The following PRMT3 variants were observed in gnomAD, a reference collection of about 807,000 sequenced individuals.
The protein encoded by PRMT3 is protein arginine N-methyltransferase 3.
A neutral mutation model predicts 71.9 loss-of-function variants in PRMT3; 62 were observed. That is an observed-to-expected ratio of 0.86 (90% CI 0.70 to 1.07). The LOEUF (loss-of-function observed/expected upper bound fraction) is 1.07. Among genes scored for constraint, PRMT3 ranks in the 50% least tolerant of loss-of-function variants. The pLI, the probability that PRMT3 is intolerant of heterozygous loss-of-function variation, is 0.00. For synonymous variants in PRMT3, 213 were observed against 220.4 expected (o/e 0.97, Z 0.30); for missense variants, 663 against 643.0 (o/e 1.03, Z -0.34).
intron 13 of PRMT3, among the ~76,000 whole-genome samples, chr11:20,472,650 C>G (rs1391164667): frequency 1.6e-5 from 2 of 128,352 alleles, no homozygotes; most frequent in Non-Finnish European, 3.6e-5. Flanking sequence ...GTTTGTTCAT[C>G]AAGGATACTG....
chr11:20,479,070 C>T (rs1049114709), intron 13 of PRMT3, among the ~76,000 whole-genome samples: 2 of 152,112 alleles, frequency 1.3e-5, no homozygotes, highest in African/African-American at 4.8e-5. Flanking sequence ...TAATAGGCTT[C>T]ATTAAGTAAA....
chr11:20,464,539 T>G lies in PRMT3; in HGVS notation c.1340T>G (p.Met447Arg), dbSNP rs1204340641. 1.9e-6 allele frequency: 3 copies of G among 1,611,272 alleles called. No individual in the cohort carries two copies. In the African/African-American group the frequency reaches 4.0e-5, roughly 22 times the overall value. The change falls in exon 13 of 16, where the codon ATG becomes AGG. Residue 447 changes from methionine (M) to arginine (R), a missense_variant. Physicochemically the swap from Met to Arg is moderately conservative, Grantham distance 91 (BLOSUM62 -1). Transcript: ENST00000331079. The stretch of plus-strand genomic sequence containing the variant: ...ACCCTGAAAATCACAAGGACATCCA[T>G]GTGCACGGTAAGCTATTTCATTCTG... ...DFTLKITRTS[M>R]CTAIAGYFDI...
intron 9 of PRMT3, among the ~76,000 whole-genome samples, chr11:20,423,967 G>T (rs1461033294): frequency 6.7e-6 from 1 of 150,350 alleles, no homozygotes; most frequent in African/African-American, 2.5e-5. Flanking sequence ...GGTGGATCAC[G>T]AGGTTAGGAG....
chr11:20,429,382 G>A (rs1849609471), intron 10 of PRMT3, among the ~76,000 whole-genome samples: 1 of 152,182 alleles, frequency 6.6e-6, no homozygotes, highest in Non-Finnish European at 1.5e-5. Flanking sequence ...ACCTCTTGCT[G>A]TGTAGTCCAG....
intron 5 of PRMT3, among the ~76,000 whole-genome samples, 160 bp from the exon 6 acceptor site, chr11:20,395,641 CTG>C (rs1848808495): frequency 6.6e-6 from 1 of 152,172 alleles, no homozygotes; most frequent in Non-Finnish European, 1.5e-5. Context: ...GCAAGAGCCA[CTG>C]TGCAAAGCCA....
At chr11:20,390,747 A>G (rs1380783991) in intron 3 of PRMT3, among the ~76,000 whole-genome samples, 1 of 152,252 alleles carries the variant, frequency 6.6e-6, no homozygotes, top group Non-Finnish European at 1.5e-5. Flanking sequence ...TGGGAGGCCA[A>G]GGCAGGTGGA....
rs376995112 is a variant in PRMT3, at chr11:20,402,928, C to A, written c.715C>A (p.Arg239=). ...CCTCTCTCCACCCTAGGACAAAATA[C>A]GAACAGAAAGCTACCGAGATTTCAT... ...IHEEMLKDKI[R]TESYRDFIYQ... Residue 239 remains arginine, a synonymous_variant, in exon 8 of 16, where the codon CGA becomes AGA. Transcript: ENST00000331079. 8.1e-6 allele frequency: 13 copies of A among 1,607,978 alleles called. No individual in the cohort carries two copies. Among genetic ancestry groups the A allele is most frequent in the Admixed American group, 1.7e-5 (1 of 59,974 alleles).
At chr11:20,399,047 G>A (rs1182591111) in intron 7 of PRMT3, among the ~76,000 whole-genome samples, 1 of 152,156 alleles carries the variant, frequency 6.6e-6, no homozygotes, top group Non-Finnish European at 1.5e-5. Context: ...GTAATTTTTA[G>A]TTCAGTGAAA....
At chr11:20,446,435 T>C (rs1565215997) in intron 10 of PRMT3, among the ~76,000 whole-genome samples, 1 of 152,058 alleles carries the variant, frequency 6.6e-6, no homozygotes, top group Non-Finnish European at 1.5e-5. Context: ...CTGGCCAATA[T>C]CTTTTCAGAC....
chr11:20,405,931 AC>A (rs1180581375), intron 8 of PRMT3: 5 of 152,160 alleles, frequency 3.3e-5, no homozygotes, highest in Non-Finnish European at 5.9e-5. Context: ...ATCTTATAAA[AC>A]TGGAACTGTT....
At chr11:20,446,373 T>C (rs1221103323) in intron 10 of PRMT3, among the ~76,000 whole-genome samples, 28 of 151,950 alleles carry the variant, frequency 1.8e-4, no homozygotes, top group Admixed American at 1.8e-3. Context: ...TTTTTAACAA[T>C]TAGTATTCTT....
intron 9 of PRMT3, among the ~76,000 whole-genome samples, chr11:20,418,237 T>C (rs546268093): frequency 2.1e-4 from 32 of 152,272 alleles, no homozygotes; most frequent in African/African-American, 7.5e-4. Flanking sequence ...AGTTTTTCAG[T>C]AGGTGTTTCC....
chr11:20,440,489 C>CAAAAAAAAAAAAAAAAAAAAA (rs55801324), intron 10 of PRMT3, among the ~76,000 whole-genome samples: 2 of 115,958 alleles, frequency 1.7e-5, no homozygotes, highest in Admixed American at 9.7e-5. Flanking sequence ...ACTAAAAATA[C>CAAAAAAAAAAAAAAAAAAAAA]AAAAAAAAAA....
chr11:20,429,747 G>C (rs1333648989), intron 10 of PRMT3, among the ~76,000 whole-genome samples: 2 of 152,194 alleles, frequency 1.3e-5, no homozygotes, highest in African/African-American at 4.8e-5. Context: ...AAGTGCTCTA[G>C]GTGGGGCATT....
intron 10 of PRMT3, among the ~76,000 whole-genome samples, chr11:20,442,152 A>G (rs1849922302): frequency 6.6e-6 from 1 of 152,198 alleles, no homozygotes; most frequent in African/African-American, 2.4e-5. Flanking sequence ...AATGCAGCTT[A>G]AATTTTGTTT....
At chr11:20,415,062 G>A (rs1325868349) in intron 9 of PRMT3, among the ~76,000 whole-genome samples, 2 of 142,194 alleles carry the variant, frequency 1.4e-5, no homozygotes, top group Non-Finnish European at 3.0e-5. Context: ...GTGTATTTTG[G>A]AAAAATATTA....
intron 13 of PRMT3, among the ~76,000 whole-genome samples, chr11:20,469,540 C>G (rs6483690): frequency 0.81 from 123,629 of 152,180 alleles, 52,349 homozygotes; most frequent in Non-Finnish European, 0.95. Context: ...ACACAAATAA[C>G]ACAGGTTGAG....
intron 13 of PRMT3, among the ~76,000 whole-genome samples, chr11:20,465,907 G>A (rs10430901): frequency 0.97 from 148,034 of 152,168 alleles, 72,327 homozygotes; most frequent in Middle Eastern, 1. Context: ...AATACATGAG[G>A]GTTGAAAAAA....
rs145493766 is a variant in PRMT3, at chr11:20,501,669, A to C, written c.1487-6635A>C. Among the ~76,000 whole-genome samples, 1,079 of 152,324 alleles carry C rather than the reference A, an allele frequency of 7.1e-3. 16 individuals carry two copies. Among genetic ancestry groups the C allele is most frequent in the African/African-American group, 0.025 (1,024 of 41,572 alleles). ...AGTGTCCAGAAGGTAATATGACAAG[A>C]TAAGTAAAATATTGTAAATGGAACT... is the stretch of plus-strand genomic sequence containing the variant. On this transcript the variant is annotated intron_variant, in intron 15 of 15. Transcript: ENST00000331079.
Sources: gnomAD v4.1 joint callset for allele counts (sites outside exome capture counted in the v4.1 genomes callset) on GRCh38, gnomAD v4.1.1 for gene constraint, MANE v1.5 for transcripts, NCBI Gene and HGNC (gene_info 2026-07-23, HGNC 2026-07-21) for gene names.